Variants in SLC2A14 observed in about 807,000 individuals in gnomAD.
SLC2A14 encodes the protein solute carrier family 2, facilitated glucose transporter member 14.
SLC2A14 carries 13 observed loss-of-function variants against 43.0 expected under a neutral mutation model. That is an observed-to-expected ratio of 0.30 (90% CI 0.20 to 0.48). SLC2A14 has a LOEUF of 0.48. Ranked by LOEUF, SLC2A14 falls within the 20% of genes least tolerant of loss-of-function variation. The probability of loss-of-function intolerance (pLI) is 0.99; values close to 1 mark genes in which losing one functional copy is unlikely to be tolerated. For missense variants in SLC2A14, 428 were observed against 620.4 expected (o/e 0.69, Z 3.29); for synonymous variants, 190 against 233.8 (o/e 0.81, Z 1.71).
chr12:7,852,560 C>G (rs1425165280), intron 2 of SLC2A14, among the ~76,000 whole-genome samples: 2 of 152,146 alleles, frequency 1.3e-5, no homozygotes, highest in African/African-American at 4.8e-5. Flanking sequence ...ATAGGTATTA[C>G]TGACATTTGG....
chr12:7,832,164 A>G (rs944456584), intron 3 of SLC2A14, among the ~76,000 whole-genome samples: 6 of 152,232 alleles, frequency 3.9e-5, no homozygotes, highest in African/African-American at 1.4e-4. Flanking sequence ...TAGAGAATCA[A>G]GGGAATAAAT....
At chr12:7,822,418 A>G (rs1450645280) in intron 7 of SLC2A14, among the ~76,000 whole-genome samples, 1 of 151,860 alleles carries the variant, frequency 6.6e-6, no homozygotes, top group Non-Finnish European at 1.5e-5. Flanking sequence ...CTGCAATCCC[A>G]GCACTTTGGG....
intron 2 of SLC2A14, among the ~76,000 whole-genome samples, chr12:7,864,586 C>T (rs977925737): frequency 2.0e-5 from 3 of 152,172 alleles, no homozygotes; most frequent in African/African-American, 7.2e-5. Context: ...CATCCGCCGG[C>T]CTCGGCCTCC....
chr12:7,826,853 C>CCTTCCTTCCTTCCTTTCTTT (rs139542085), intron 7 of SLC2A14, among the ~76,000 whole-genome samples: 1 of 34,428 alleles, frequency 2.9e-5, no homozygotes. Flanking sequence ...TTCCTTCCTT[C>CCTTCCTTCCTTCCTTTCTTT]CTTTCTTTTT....
At chr12:7,858,586 G>A (rs1277111542) in intron 2 of SLC2A14, among the ~76,000 whole-genome samples, 4 of 152,130 alleles carry the variant, frequency 2.6e-5, no homozygotes, top group South Asian at 2.1e-4. Flanking sequence ...CACAACTTCC[G>A]CCTCCCGGGT....
At chr12:7,884,115 G>C (rs1945647767) in intron 1 of SLC2A14, among the ~76,000 whole-genome samples, 1 of 150,540 alleles carries the variant, frequency 6.6e-6, no homozygotes, top group Admixed American at 6.7e-5. Context: ...AGTAGAAACG[G>C]GGTTTCACCA....
At chr12:7,873,802 C>A (rs929018042), upstream of SLC2A14, among the ~76,000 whole-genome samples, 1 of 152,062 alleles carries the variant, frequency 6.6e-6, no homozygotes, top group Non-Finnish European at 1.5e-5. Flanking sequence ...TCCCCTGCTG[C>A]CCCATTGGTG....
At chr12:7,818,307 T>C (rs1420338393) in intron 9 of SLC2A14, among the ~76,000 whole-genome samples, 2 of 152,174 alleles carry the variant, frequency 1.3e-5, no homozygotes, top group Non-Finnish European at 2.9e-5. Context: ...CCTCAGCCTC[T>C]CAAATAGCTG....
intron 1 of SLC2A14, among the ~76,000 whole-genome samples, chr12:7,882,455 A>G (rs1420111101): frequency 6.6e-6 from 1 of 152,094 alleles, no homozygotes. Flanking sequence ...GAGACCAAGA[A>G]TCCCCCAATT....
intron 3 of SLC2A14, 32 bp downstream of exon 3, chr12:7,832,690 C>T (rs776799927): frequency 6.2e-7 from 1 of 1,607,536 alleles, no homozygotes; most frequent in Non-Finnish European, 8.5e-7. Flanking sequence ...TTTCCCTATT[C>T]CAGATTCTAA....
chr12:7,864,774 CCT>C (rs1420693170), intron 2 of SLC2A14, among the ~76,000 whole-genome samples: 1 of 152,168 alleles, frequency 6.6e-6, no homozygotes, highest in Non-Finnish European at 1.5e-5. Flanking sequence ...GCCCACAAAG[CCT>C]CTATCTGCAC....
intron 2 of SLC2A14, chr12:7,856,395 G>A (rs957722418): frequency 2.0e-5 from 3 of 152,170 alleles, no homozygotes; most frequent in Non-Finnish European, 2.9e-5. Context: ...GTCCCGTGCT[G>A]ATCCGCAGTG....
At chr12:7,831,388 A>G (rs1436536440) in intron 4 of SLC2A14, 9 of 611,054 alleles carry the variant, frequency 1.5e-5, no homozygotes, top group Non-Finnish European at 2.8e-6. Context: ...AATCACTCAC[A>G]CAGTTCATCT....
chr12:7,886,070 C>T lies in SLC2A14; in HGVS notation c.132+4926G>A, dbSNP rs752385927. The stretch of plus-strand genomic sequence containing the variant: ...TGCGATCTCAGCTCACTGCAACACC[C>T]ACCTCCCAGGTTCAAGCAGTTCTCT... On this transcript the variant is annotated intron_variant, in intron 1 of 9. Coordinates refer to the SLC2A14 transcript ENST00000539924. 2.0e-5 allele frequency among the ~76,000 whole-genome samples: 3 copies of T among 150,134 alleles called. No individual in the cohort carries two copies. In the Admixed American group the frequency reaches 2.0e-4, roughly 10 times the overall value.
chr12:7,858,672 T>C (rs1408246250), intron 2 of SLC2A14, among the ~76,000 whole-genome samples: 3 of 152,054 alleles, frequency 2.0e-5, no homozygotes, highest in Non-Finnish European at 4.4e-5. Flanking sequence ...GCTAATTTTG[T>C]ATTTTTAGTA....
rs778437667 is a variant in SLC2A14, at chr12:7,817,394, A to C, written c.1275+437T>G. On this transcript the variant is annotated intron_variant, in intron 10 of 10. Coordinates refer to ENST00000431042, the MANE Select transcript of SLC2A14 (RefSeq NM_001286234.2). The stretch of plus-strand genomic sequence containing the variant: ...CCGCCCAAAGTGCTGGGATTACAGG[A>C]GTGAGCCACCTCGCCCAGCCTGACT... Among the ~76,000 whole-genome samples the C allele has an allele frequency of 1.8e-4, 27 of 151,552 alleles. 1 individual carries two copies. In the South Asian group the frequency reaches 5.3e-3, roughly 30 times the overall value.
chr12:7,855,114 C>T (rs772271182), intron 2 of SLC2A14, among the ~76,000 whole-genome samples: 7 of 151,938 alleles, frequency 4.6e-5, no homozygotes, highest in South Asian at 4.2e-4. Flanking sequence ...AGCCAGGTAT[C>T]GCACTTTATA....
intron 1 of SLC2A14, among the ~76,000 whole-genome samples, chr12:7,880,363 A>C (rs919524411): frequency 2.6e-5 from 4 of 151,136 alleles, no homozygotes; most frequent in African/African-American, 7.3e-5. Flanking sequence ...AACACACACA[A>C]AAAATCAAAG....
At chr12:7,887,890 G>A (rs1472783908) in intron 1 of SLC2A14, among the ~76,000 whole-genome samples, 1 of 152,102 alleles carries the variant, frequency 6.6e-6, no homozygotes, top group Non-Finnish European at 1.5e-5. Context: ...ATACTCCTTA[G>A]CTCAAAATCT....
Sources: allele counts gnomAD v4.1 joint callset (sites outside exome capture counted in the v4.1 genomes callset), GRCh38; gene constraint gnomAD v4.1.1; transcripts MANE v1.5; gene names NCBI Gene and HGNC (gene_info 2026-07-23, HGNC 2026-07-21).